P2RX7: variants seen among roughly 807,000 people sequenced by gnomAD.
P2RX7 encodes purinergic receptor P2X 7, also known as P2X purinoceptor 7.
P2RX7 carries 62 observed loss-of-function variants against 71.6 expected under a neutral mutation model. The ratio of observed to expected loss-of-function variants is 0.87; its 90% CI spans 0.71 to 1.07. The LOEUF (loss-of-function observed/expected upper bound fraction) is 1.07. Among genes scored for constraint, P2RX7 ranks in the 50% least tolerant of loss-of-function variants. P2RX7 has a pLI of 0.00. For missense variants in P2RX7, 686 were observed against 748.5 expected (o/e 0.92, Z 0.97); for synonymous variants, 299 against 283.3 (o/e 1.06, Z -0.56).
chr12:121,156,224 G>A, intron 3 of P2RX7, 77 bp downstream of exon 3: 1 of 1,182,948 alleles, frequency 8.5e-7, no homozygotes, highest in Non-Finnish European at 1.3e-6. Flanking sequence ...AAGCAGAAAT[G>A]CGGACCCTGG....
intron 1 of P2RX7, among the ~76,000 whole-genome samples, chr12:121,150,926 A>C (rs757205540): frequency 6.6e-6 from 1 of 152,226 alleles, no homozygotes; most frequent in African/African-American, 2.4e-5. Flanking sequence ...TAATAAATAA[A>C]TGTTATAGAA....
chr12:121,150,774 T>C (rs1224969100), intron 1 of P2RX7, among the ~76,000 whole-genome samples: 1 of 152,168 alleles, frequency 6.6e-6, no homozygotes, highest in Non-Finnish European at 1.5e-5. Context: ...CTGGGCACGA[T>C]GGTGGATGCC....
At chr12:121,181,403 G>A (rs1884123235) in intron 12 of P2RX7, among the ~76,000 whole-genome samples, 1 of 152,172 alleles carries the variant, frequency 6.6e-6, no homozygotes, top group African/African-American at 2.4e-5. Context: ...CCTAAGAGTG[G>A]AATTGCTGAG....
At chr12:121,142,299 G>T (rs185519400) in intron 1 of P2RX7, among the ~76,000 whole-genome samples, 1 of 152,292 alleles carries the variant, frequency 6.6e-6, no homozygotes, top group East Asian at 1.9e-4. Context: ...ATCCCTTGAG[G>T]CTGCAGGACT....
In P2RX7 at chr12:121,187,321, G is replaced by T. The variant is rs970595326; in HGVS notation, c.*2519G>T. 17 of 152,060 alleles carry T rather than the reference G, an allele frequency of 1.1e-4. No homozygotes were observed. The highest frequency in any genetic ancestry group is 3.6e-4 in the African/African-American group (15 of 41,410). The allele number at this position is 152,060 out of a possible 1,614,324, so 9.4% of individuals were successfully genotyped here. A position where few individuals can be genotyped will look rare whatever the true frequency, so the allele number is the denominator to read the frequency against. ...GAATAAAACCATTTTTTGATACAGG[G>T]TTTTATTTGGCTTTAAACTCAGGAA... On this transcript the variant is annotated 3_prime_UTR_variant, in exon 13 of 13. Transcript: ENST00000328963.
At chr12:121,155,790 C>T (rs1320182013) in intron 2 of P2RX7, among the ~76,000 whole-genome samples, 7 of 149,516 alleles carry the variant, frequency 4.7e-5, no homozygotes, top group Non-Finnish European at 7.4e-5. Context: ...ATTTTTACTG[C>T]GTAAAAAAAA....
intron 9 of P2RX7, 119 bp from the exon 10 acceptor site, chr12:121,177,028 G>C: frequency 1.3e-6 from 1 of 792,794 alleles, no homozygotes; most frequent in Non-Finnish European, 2.1e-6. Flanking sequence ...GCACTTGAAC[G>C]CATCTATCCA....
At position 121,187,436 on chromosome 12, in the gene P2RX7, A is replaced by C. The variant is rs1392496162; in HGVS notation, c.*2634A>C. ...GGATTACTACATATGATTTCTTTGG[A>C]GCTTACATTTCTTTACTTCACGAAT... On this transcript the variant is annotated 3_prime_UTR_variant, in exon 13 of 13. Transcript: ENST00000328963. 6.6e-6 allele frequency: 1 copy of C among 152,172 alleles called. No individual in the cohort carries two copies. The highest frequency in any genetic ancestry group is 1.5e-5 in the Non-Finnish European group (1 of 68,030). 9.4% of individuals were successfully genotyped at this position (152,172 alleles called of 1,614,324 possible). A position where few individuals can be genotyped will look rare whatever the true frequency, so the allele number is the denominator to read the frequency against.
Position 121,156,167 on chromosome 12 carries a change from T to C in P2RX7, c.363+20T>C. 6.2e-7 allele frequency: 1 copy of C among 1,603,756 alleles called. No homozygotes were observed. Among genetic ancestry groups the C allele is most frequent in the South Asian group, 1.1e-5 (1 of 90,828 alleles). On this transcript the variant is annotated intron_variant, in intron 3 of 12. Transcript: ENST00000328963. ...CCCGAGGTAAGGAGGGGACCTGGAG[T>C]GGTGGGTCAGGTCTTAAGAGTTCCT... is the stretch of plus-strand genomic sequence containing the variant.
intron 7 of P2RX7, among the ~76,000 whole-genome samples, chr12:121,167,000 C>T (rs970284656): frequency 5.4e-5 from 8 of 149,508 alleles, no homozygotes; most frequent in African/African-American, 9.9e-5. Context: ...TGCAGTGAGC[C>T]GAGATCGCAC....
At chr12:121,153,588 G>A (rs1246385890) in intron 1 of P2RX7, among the ~76,000 whole-genome samples, 2 of 152,146 alleles carry the variant, frequency 1.3e-5, no homozygotes, top group Non-Finnish European at 2.9e-5. Context: ...TGAGGCAGGA[G>A]AATCACTTGA....
chr12:121,180,475 C>A lies in P2RX7; in HGVS notation c.1290+20C>A. ...GTCCCAGTAAGTTAAATCATTTTGTCTTTTTTTTTTTTTTAAGAAAATTTA... is the reference window on the plus strand; with the variant it reads ...GTCCCAGTAAGTTAAATCATTTTGTATTTTTTTTTTTTTTAAGAAAATTTA... On this transcript the variant is annotated intron_variant, in intron 12 of 12. Coordinates refer to ENST00000328963, the MANE Select transcript of P2RX7 (RefSeq NM_002562.6). 1.8e-5 allele frequency: 18 copies of A among 1,009,590 alleles called. No individual in the cohort carries two copies. The highest frequency in any genetic ancestry group is 2.3e-5 in the Non-Finnish European group (16 of 698,668). The allele number at this position is 1,009,590 out of a possible 1,614,324, so 62.5% of individuals were successfully genotyped here. A position where few individuals can be genotyped will look rare whatever the true frequency, so the allele number is the denominator to read the frequency against.
At chr12:121,133,231 C>T (rs749834433) in intron 1 of P2RX7, 136 bp downstream of exon 1, 267 of 993,790 alleles carry the variant, frequency 2.7e-4, no homozygotes, top group Non-Finnish European at 3.9e-4. Context: ...GCCAGCTGGG[C>T]GGGAGGGAGG....
Position 121,186,404 on chromosome 12 carries a change from T to G in P2RX7, c.*1602T>G, listed in dbSNP as rs1005863146. 3 of 152,244 alleles carry G rather than the reference T, an allele frequency of 2.0e-5. No individual in the cohort carries two copies. The highest frequency in any genetic ancestry group is 6.6e-5 in the Admixed American group (1 of 15,266). 9.4% of individuals were successfully genotyped at this position (152,244 alleles called of 1,614,324 possible). ...CAGACTCAGCCCATACCTTCCCTGGTTCTAATGTTCTCAGGGAGCCCGGAC... is the reference window on the plus strand; with the variant it reads ...CAGACTCAGCCCATACCTTCCCTGGGTCTAATGTTCTCAGGGAGCCCGGAC... On this transcript the variant is annotated 3_prime_UTR_variant, in exon 13 of 13. Transcript: ENST00000328963.
rs1878190464 is a variant in P2RX7, at chr12:121,154,644, A to G, written c.126-141A>G. The G allele has an allele frequency of 1.4e-6, 1 of 695,026 alleles. No homozygotes were observed. The highest frequency in any genetic ancestry group is 2.6e-6 in the Non-Finnish European group (1 of 382,958). The allele number at this position is 695,026 out of a possible 1,614,324, so 43.1% of individuals were successfully genotyped here. A position where few individuals can be genotyped will look rare whatever the true frequency, so the allele number is the denominator to read the frequency against. On this transcript the variant is annotated intron_variant, in intron 1 of 12. Coordinates refer to ENST00000328963, the MANE Select transcript of P2RX7 (RefSeq NM_002562.6). The surrounding 1 kb of genome is among the most constrained non-coding windows in gnomAD (Gnocchi z 4.2). ...GGTATGACTATTCTTCCCATTATCC[A>G]GAGAGGGAAAACAAGTCACACGGAA...
At chr12:121,175,794 A>C (rs751513864) in intron 9 of P2RX7, among the ~76,000 whole-genome samples, 22 of 126,686 alleles carry the variant, frequency 1.7e-4, no homozygotes, top group Non-Finnish European at 1.2e-4. Flanking sequence ...AATTGGCTTA[A>C]GGGGAAAAAA....
At chr12:121,156,657 T>G (rs1718124) in intron 3 of P2RX7, among the ~76,000 whole-genome samples, 15,692 of 152,206 alleles carry the variant, frequency 0.1, 975 homozygotes, top group African/African-American at 0.18. Flanking sequence ...CACAGTGAAC[T>G]GTCTGCAGGG....
intron 3 of P2RX7, among the ~76,000 whole-genome samples, 177 bp from the exon 4 acceptor site, chr12:121,160,725 A>T (rs1879499489): frequency 6.6e-6 from 1 of 152,124 alleles, no homozygotes; most frequent in Admixed American, 6.5e-5. Context: ...AATGTACCAC[A>T]TTTTATTTGT....
At chr12:121,135,595 T>C (rs1592984061) in intron 1 of P2RX7, among the ~76,000 whole-genome samples, 2 of 152,190 alleles carry the variant, frequency 1.3e-5, no homozygotes, top group East Asian at 1.9e-4. Flanking sequence ...TTGAGAAATA[T>C]ATGGCATATA....
Sources: allele counts gnomAD v4.1 joint callset (sites outside exome capture counted in the v4.1 genomes callset), GRCh38; gene constraint gnomAD v4.1.1; non-coding constraint Gnocchi (gnomAD v3.1); transcripts MANE v1.5; gene names NCBI Gene and HGNC (gene_info 2026-07-23, HGNC 2026-07-21).